NELL1: variants seen among roughly 807,000 people sequenced by gnomAD.
NELL1 encodes the protein neural EGFL like 1, also known as protein kinase C-binding protein NELL1.
Under a neutral mutation model 107.4 loss-of-function variants are expected in NELL1, and 76 were observed. That is an observed-to-expected ratio of 0.71 (90% CI 0.59 to 0.86). The LOEUF is 0.86. Ranked by LOEUF, NELL1 falls within the 40% of genes least tolerant of loss-of-function variation. The pLI is 0.00. For missense variants in NELL1, 1,024 were observed against 1,005.5 expected (o/e 1.02, Z -0.25); for synonymous variants, 353 against 341.2 (o/e 1.03, Z -0.38).
intron 5 of NELL1, among the ~76,000 whole-genome samples, chr11:20,896,321 C>T (rs1018641180): frequency 1.3e-5 from 2 of 152,146 alleles, no homozygotes; most frequent in African/African-American, 2.4e-5. Flanking sequence ...ATTTCATTTC[C>T]TTTTATGGCT....
chr11:21,290,670 C>T (rs953902778), intron 14 of NELL1, among the ~76,000 whole-genome samples: 4 of 152,180 alleles, frequency 2.6e-5, no homozygotes, highest in Admixed American at 6.5e-5. Flanking sequence ...CTTTGCTGTT[C>T]TGCAGCCTCT....
At chr11:20,721,461 T>C (rs1477654307) in intron 2 of NELL1, among the ~76,000 whole-genome samples, 2 of 152,036 alleles carry the variant, frequency 1.3e-5, no homozygotes, top group Non-Finnish European at 2.9e-5. Flanking sequence ...ATGCAACTGC[T>C]ATAAGGAGGC....
intron 13 of NELL1, among the ~76,000 whole-genome samples, chr11:21,204,220 C>A (rs1218896385): frequency 6.6e-6 from 1 of 152,118 alleles, no homozygotes; most frequent in Non-Finnish European, 1.5e-5. Context: ...AACTTGGTTC[C>A]ATTCCCCTGT....
At position 21,534,081 on chromosome 11, in the gene NELL1, CCAAA is replaced by C. The variant is rs563654585; in HGVS notation, c.1646-290_1646-287del. 1.8e-4 allele frequency among the ~76,000 whole-genome samples: 28 copies of C among 152,184 alleles called. 1 individual carries two copies. In the South Asian group the frequency reaches 5.6e-3, roughly 30 times the overall value. On this transcript the variant is annotated intron_variant, in intron 15 of 19. Transcript: ENST00000357134. ...ATATACACCCAATACCAAAACTGTG[CCAAA>C]CACCCTCAACCTAGTTATTCAGAGA...
chr11:20,921,484 G>A (rs913118435), intron 7 of NELL1, among the ~76,000 whole-genome samples: 10 of 152,098 alleles, frequency 6.6e-5, no homozygotes, highest in Non-Finnish European at 1.2e-4. Context: ...GTTAGATCCT[G>A]AAAGTTGAAT....
chr11:21,406,466 T>C (rs1397696926), intron 15 of NELL1, among the ~76,000 whole-genome samples: 1 of 152,044 alleles, frequency 6.6e-6, no homozygotes, highest in East Asian at 1.9e-4. Flanking sequence ...TGATACTACC[T>C]AGTGCTTTAC....
At chr11:21,257,182 G>T (rs774980697) in intron 14 of NELL1, among the ~76,000 whole-genome samples, 12 of 151,902 alleles carry the variant, frequency 7.9e-5, no homozygotes, top group Admixed American at 5.9e-4. Context: ...GAATATATTA[G>T]AATAGAACTC....
At chr11:21,229,533 G>A in intron 14 of NELL1, 79 bp downstream of exon 14, 4 of 1,575,928 alleles carry the variant, frequency 2.5e-6, no homozygotes, top group Non-Finnish European at 3.5e-6. Context: ...GGACCTTCTT[G>A]GTAACTCTTG....
chr11:20,931,605 A>T (rs1043211426), intron 9 of NELL1, among the ~76,000 whole-genome samples: 1 of 152,192 alleles, frequency 6.6e-6, no homozygotes, highest in African/African-American at 2.4e-5. Context: ...CAAAGAAAAA[A>T]TTGTATCTTG....
intron 14 of NELL1, among the ~76,000 whole-genome samples, chr11:21,329,174 C>T (rs1850215396): frequency 6.6e-6 from 1 of 152,142 alleles, no homozygotes; most frequent in African/African-American, 2.4e-5. Context: ...ATAATCTCCA[C>T]ATGTTGTAAG....
intron 14 of NELL1, among the ~76,000 whole-genome samples, chr11:21,306,270 A>G (rs1214515944): frequency 1.3e-5 from 2 of 152,086 alleles, no homozygotes; most frequent in Admixed American, 1.3e-4. Flanking sequence ...TGGTCAATCT[A>G]CTGACATGAC....
intron 3 of NELL1, among the ~76,000 whole-genome samples, chr11:20,818,670 G>A (rs1857680929): frequency 6.6e-6 from 1 of 152,156 alleles, no homozygotes; most frequent in Admixed American, 6.5e-5. Context: ...TGAGATTGAT[G>A]TAATTCTAGC....
intron 14 of NELL1, among the ~76,000 whole-genome samples, chr11:21,272,158 G>A (rs1848752873): frequency 1.3e-5 from 2 of 152,206 alleles, no homozygotes; most frequent in African/African-American, 4.8e-5. Context: ...CCTAGTCAAA[G>A]AAAGGGGTGA....
At chr11:21,271,016 T>G (rs1848728502) in intron 14 of NELL1, among the ~76,000 whole-genome samples, 1 of 152,034 alleles carries the variant, frequency 6.6e-6, no homozygotes, top group Non-Finnish European at 1.5e-5. Flanking sequence ...GGGAAGGCTG[T>G]GCTTAGCATT....
chr11:21,426,204 T>C lies in NELL1; in HGVS notation c.1645+55256T>C, dbSNP rs117470570. ...ACACATATTAATGTTAAATATCTGC[T>C]TATGATATTGTTTCCTGCACTAGTC... On this transcript the variant is annotated intron_variant, in intron 15 of 19. Coordinates refer to ENST00000357134, the MANE Select transcript of NELL1 (RefSeq NM_006157.5). 6.8e-3 allele frequency among the ~76,000 whole-genome samples: 1,033 copies of C among 152,354 alleles called. 7 individuals carry two copies. The highest frequency in any genetic ancestry group is 0.011 in the Non-Finnish European group (766 of 68,028).
chr11:20,735,559 A>G (rs1333170745), intron 2 of NELL1, among the ~76,000 whole-genome samples: 2 of 152,144 alleles, frequency 1.3e-5, no homozygotes, highest in African/African-American at 4.8e-5. Context: ...CCCTCCTACA[A>G]TATGTGGGGA....
At chr11:20,873,075 C>T (rs1849235643) in intron 4 of NELL1, among the ~76,000 whole-genome samples, 5 of 152,176 alleles carry the variant, frequency 3.3e-5, no homozygotes, top group African/African-American at 1.2e-4. Context: ...ACACCTAAAT[C>T]TTCATCTAGG....
chr11:21,404,265 AC>A (rs2133801734), intron 15 of NELL1, among the ~76,000 whole-genome samples: 1 of 151,998 alleles, frequency 6.6e-6, no homozygotes, highest in South Asian at 2.1e-4. Flanking sequence ...TTTTCCTTTT[AC>A]TGGACCCACA....
In NELL1 at chr11:21,252,421, G is replaced by C. The variant is rs142086928; in HGVS notation, c.1549+22967G>C. ...ATCAGGGATCCAGAAGCACAGACCA[G>C]AGACTTGACACCAAGTTGTGCCTGA... On this transcript the variant is annotated intron_variant, in intron 14 of 19. Coordinates refer to ENST00000357134, the MANE Select transcript of NELL1 (RefSeq NM_006157.5). Among the ~76,000 whole-genome samples, 1,087 of 152,242 alleles carry C rather than the reference G, an allele frequency of 7.1e-3. 17 individuals carry two copies. The highest frequency in any genetic ancestry group is 0.024 in the African/African-American group (1,007 of 41,552).
Sources: allele counts gnomAD v4.1 joint callset (sites outside exome capture counted in the v4.1 genomes callset), GRCh38; gene constraint gnomAD v4.1.1; transcripts MANE v1.5; gene names NCBI Gene and HGNC (gene_info 2026-07-23, HGNC 2026-07-21).